The following VMP1 variants were observed in gnomAD, a reference collection of about 807,000 sequenced individuals.
The protein encoded by VMP1 is vacuole membrane protein 1.
A neutral mutation model predicts 56.0 loss-of-function variants in VMP1; 11 were observed. The observed-to-expected ratio is 0.20, with a 90% CI of 0.12 to 0.32. The LOEUF is 0.32. Among genes scored for constraint, VMP1 ranks in the 10% least tolerant of loss-of-function variants. The probability of loss-of-function intolerance (pLI) is 1.00; values close to 1 mark genes in which losing one functional copy is unlikely to be tolerated. For missense variants in VMP1, 296 were observed against 490.3 expected (o/e 0.60, Z 3.74); for synonymous variants, 149 against 165.0 (o/e 0.90, Z 0.74).
chr17:59,738,436 A>G (rs1297522148), intron 4 of VMP1, among the ~76,000 whole-genome samples: 1 of 152,262 alleles, frequency 6.6e-6, no homozygotes, highest in African/African-American at 2.4e-5. Context: ...AATCACTGAA[A>G]TGACTCTAGA....
intron 7 of VMP1, among the ~76,000 whole-genome samples, chr17:59,800,058 T>G (rs566584282): frequency 6.6e-6 from 1 of 152,330 alleles, no homozygotes; most frequent in South Asian, 2.1e-4. Context: ...AAGAATATTT[T>G]GTTCACTTTG....
chr17:59,822,406 C>A (rs1467057591), intron 10 of VMP1, among the ~76,000 whole-genome samples: 1 of 148,120 alleles, frequency 6.8e-6, no homozygotes. Flanking sequence ...TCAGCTTACT[C>A]CAATCTCCGC....
chr17:59,791,010 T>C (rs1448952587), intron 7 of VMP1, among the ~76,000 whole-genome samples: 2 of 152,040 alleles, frequency 1.3e-5, no homozygotes. Context: ...CTTTTATATC[T>C]CTCCTAGCAT....
intron 7 of VMP1, among the ~76,000 whole-genome samples, chr17:59,780,732 G>A (rs767155982): frequency 1.3e-5 from 2 of 151,922 alleles, no homozygotes; most frequent in Non-Finnish European, 2.9e-5. Flanking sequence ...GATTATAGGC[G>A]TCCACCACCA....
intron 7 of VMP1, among the ~76,000 whole-genome samples, chr17:59,795,655 A>G (rs1485622351): frequency 2.0e-5 from 3 of 151,732 alleles, no homozygotes; most frequent in Non-Finnish European, 4.4e-5. Context: ...ACCATTTAAA[A>G]ATTATAAAAA....
chr17:59,793,045 T>A lies in VMP1; in HGVS notation c.715-15751T>A, dbSNP rs2037299445. Among the ~76,000 whole-genome samples the A allele has an allele frequency of 1.8e-5, 2 of 109,078 alleles. 1 individual carries two copies. Among genetic ancestry groups the A allele is most frequent in the Admixed American group, 2.0e-4 (2 of 10,218 alleles). The allele number at this position is 109,078 out of a possible 152,430, so 71.6% of individuals were successfully genotyped here. A position where few individuals can be genotyped will look rare whatever the true frequency, so the allele number is the denominator to read the frequency against. ...CTTTTTTTTTTGAGGCGAGTTTTGC[T>A]CTTGTTGCCCAGACTGGAGTGCAAT... On this transcript the variant is annotated intron_variant, in intron 7 of 11. Coordinates refer to ENST00000262291, the MANE Select transcript of VMP1 (RefSeq NM_030938.5).
chr17:59,709,729 T>C (rs1328718917), intron 1 of VMP1, among the ~76,000 whole-genome samples: 1 of 152,188 alleles, frequency 6.6e-6, no homozygotes, highest in Non-Finnish European at 1.5e-5. Flanking sequence ...GGTTAATAAA[T>C]AGGTTCCTGG....
chr17:59,737,280 A>G (rs2271304), intron 3 of VMP1, among the ~76,000 whole-genome samples, 173 bp from the exon 4 acceptor site: 28,743 of 151,966 alleles, frequency 0.19, 3,347 homozygotes, highest in East Asian at 0.44. Flanking sequence ...TTCTCTGCCT[A>G]TGTATCTTCC....
chr17:59,763,297 C>G (rs1001053842), intron 5 of VMP1, among the ~76,000 whole-genome samples: 2 of 151,876 alleles, frequency 1.3e-5, no homozygotes, highest in East Asian at 3.9e-4. Flanking sequence ...TGTGAAATCT[C>G]TTGTGTGCAC....
chr17:59,827,544 T>C (rs1257863588), intron 10 of VMP1, among the ~76,000 whole-genome samples: 1 of 150,668 alleles, frequency 6.6e-6, no homozygotes. Context: ...CTCAAACTCC[T>C]GACCTCAGGA....
chr17:59,825,289 G>A (rs911754495), intron 10 of VMP1, among the ~76,000 whole-genome samples: 3 of 151,652 alleles, frequency 2.0e-5, no homozygotes, highest in African/African-American at 7.3e-5. Context: ...GGCTAGGCTG[G>A]TCTCAAACTC....
At position 59,817,770 on chromosome 17, in the gene VMP1, T is replaced by C. The variant is rs772315557; in HGVS notation, c.971T>C (p.Ile324Thr). 9 of 1,605,754 alleles carry C rather than the reference T, an allele frequency of 5.6e-6. No homozygotes were observed. In the Admixed American group the frequency reaches 1.0e-4, roughly 18 times the overall value. Residue 324 changes from isoleucine (I) to threonine (T), a missense_variant, in exon 10 of 12, where the codon ATT becomes ACT. Ile to Thr is a moderately conservative substitution (Grantham distance 89, BLOSUM62 -1). Coordinates refer to ENST00000262291, the MANE Select transcript of VMP1 (RefSeq NM_030938.5). ...ATAGTGGAGCAAATGGTGGCTTTCA[T>C]TGGGTAAGTAATTCTTCAAGGACTA... Reference protein sequence around the residue: ...KHIVEQMVAFIGAVPGIGPSL... With the variant: ...KHIVEQMVAFTGAVPGIGPSL...
At chr17:59,769,708 A>G (rs1288219422) in intron 6 of VMP1, among the ~76,000 whole-genome samples, 1 of 152,144 alleles carries the variant, frequency 6.6e-6, no homozygotes, top group Non-Finnish European at 1.5e-5. Flanking sequence ...TTATTGCTTG[A>G]CTGTACATAC....
At chr17:59,811,298 C>T (rs1359560202) in intron 8 of VMP1, among the ~76,000 whole-genome samples, 2 of 152,186 alleles carry the variant, frequency 1.3e-5, no homozygotes, top group African/African-American at 4.8e-5. Context: ...CCTTAGAAAA[C>T]AGCCACCAAA....
intron 2 of VMP1, among the ~76,000 whole-genome samples, chr17:59,732,508 G>T (rs1218988211): frequency 6.6e-6 from 1 of 151,958 alleles, no homozygotes; most frequent in African/African-American, 2.4e-5. Flanking sequence ...CTCCCAAAGT[G>T]CTGGGATTAC....
rs138241769 is a variant in VMP1, at chr17:59,798,155, T to C, written c.715-10641T>C. Among the ~76,000 whole-genome samples, 552 of 152,336 alleles carry C rather than the reference T, an allele frequency of 3.6e-3. 2 individuals are homozygous for C. The highest frequency in any genetic ancestry group is 6.2e-3 in the Non-Finnish European group (421 of 68,030). ...CCTTAGTTTAAAAAACTACTCATAC[T>C]GTTTTCTCCTGCAACCTGCCCATGT... On this transcript the variant is annotated intron_variant, in intron 7 of 11. Coordinates refer to ENST00000262291, the MANE Select transcript of VMP1 (RefSeq NM_030938.5).
At chr17:59,719,956 T>G (rs2143739685) in intron 1 of VMP1, among the ~76,000 whole-genome samples, 1 of 152,300 alleles carries the variant, frequency 6.6e-6, no homozygotes, top group East Asian at 1.9e-4. Context: ...AAAATGAAAA[T>G]TATTTGATGT....
At chr17:59,808,920 G>A (rs1425352333) in intron 8 of VMP1, 44 bp downstream of exon 8, 2 of 1,539,772 alleles carry the variant, frequency 1.3e-6, no homozygotes. Context: ...AAGTGGTAGT[G>A]TTATATTTTG....
intron 9 of VMP1, among the ~76,000 whole-genome samples, chr17:59,815,559 G>A (rs980525071): frequency 3.9e-5 from 6 of 152,080 alleles, no homozygotes; most frequent in African/African-American, 1.4e-4. Context: ...TCTGTCTTAA[G>A]ATTCTTCTTT....
Sources: gnomAD v4.1 joint callset for allele counts (sites outside exome capture counted in the v4.1 genomes callset) on GRCh38, gnomAD v4.1.1 for gene constraint, MANE v1.5 for transcripts, NCBI Gene and HGNC (gene_info 2026-07-23, HGNC 2026-07-21) for gene names.